Variants in CTNNA3 observed in about 807,000 individuals in gnomAD.
CTNNA3 encodes catenin alpha-3.
In CTNNA3, 76 loss-of-function variants were observed where a neutral mutation model predicts 95.7. The observed-to-expected ratio is 0.79, with a 90% CI of 0.66 to 0.96. The LOEUF (loss-of-function observed/expected upper bound fraction) is 0.96. CTNNA3 is among the 40% of genes least tolerant of loss of function. The pLI is 0.00. For synonymous variants in CTNNA3, 431 were observed against 374.4 expected (o/e 1.15, Z -1.74); for missense variants, 1,191 against 1,089.8 (o/e 1.09, Z -1.31).
At chr10:67,256,167 C>G (rs936110407) in intron 5 of CTNNA3, among the ~76,000 whole-genome samples, 5 of 152,084 alleles carry the variant, frequency 3.3e-5, no homozygotes, top group Non-Finnish European at 5.9e-5. Flanking sequence ...ATTAGCTAAA[C>G]CATTAGGAAA....
At chr10:66,266,643 C>T (rs768593966) in intron 13 of CTNNA3, among the ~76,000 whole-genome samples, 9 of 151,996 alleles carry the variant, frequency 5.9e-5, no homozygotes, top group Admixed American at 2.0e-4. Context: ...CTTGGCTGCT[C>T]TAGTAGTGAA....
At chr10:67,321,183 AT>A (rs1841305049) in intron 5 of CTNNA3, among the ~76,000 whole-genome samples, 2 of 152,242 alleles carry the variant, frequency 1.3e-5, no homozygotes, top group African/African-American at 4.8e-5. Flanking sequence ...AAGAGAGAAG[AT>A]AAGCACTAAT....
intron 9 of CTNNA3, among the ~76,000 whole-genome samples, chr10:66,672,323 A>G (rs1221905126): frequency 4.6e-5 from 7 of 152,156 alleles, no homozygotes; most frequent in African/African-American, 9.7e-5. Context: ...TTTTAAAATT[A>G]TAAGATTTTC....
At chr10:66,801,965 AT>A (rs1241997660) in intron 7 of CTNNA3, among the ~76,000 whole-genome samples, 1 of 151,784 alleles carries the variant, frequency 6.6e-6, no homozygotes, top group Non-Finnish European at 1.5e-5. Context: ...GTTAATAAAT[AT>A]TTACAAAGCC....
chr10:66,196,512 A>T (rs745638672), intron 13 of CTNNA3, among the ~76,000 whole-genome samples: 28 of 152,170 alleles, frequency 1.8e-4, no homozygotes, highest in Admixed American at 3.3e-4. Flanking sequence ...AAGTAAAGGA[A>T]TGGAATTTAT....
At chr10:66,915,745 T>A (rs28599536) in intron 7 of CTNNA3, among the ~76,000 whole-genome samples, 8 of 121,588 alleles carry the variant, frequency 6.6e-5, no homozygotes, top group Non-Finnish European at 1.0e-4. Context: ...CATATATACA[T>A]ATATACATTT....
chr10:66,133,495 A>T (rs1287701831), intron 13 of CTNNA3, among the ~76,000 whole-genome samples: 1 of 151,848 alleles, frequency 6.6e-6, no homozygotes, highest in African/African-American at 2.4e-5. Flanking sequence ...CCTGGTCGAC[A>T]GAGTGAGAGT....
At chr10:66,860,077 T>G in intron 7 of CTNNA3, among the ~76,000 whole-genome samples, 1 of 142,200 alleles carries the variant, frequency 7.0e-6, no homozygotes, top group Non-Finnish European at 1.5e-5. Context: ...AATGATGAGT[T>G]AATGGGTGCA....
chr10:67,465,178 C>G (rs918520037), intron 5 of CTNNA3, among the ~76,000 whole-genome samples: 4 of 147,902 alleles, frequency 2.7e-5, no homozygotes, highest in African/African-American at 9.7e-5. Flanking sequence ...CTTTTGATAT[C>G]TGAAAAATGT....
intron 9 of CTNNA3, among the ~76,000 whole-genome samples, chr10:66,755,280 C>A (rs1457878895): frequency 6.6e-6 from 1 of 152,020 alleles, no homozygotes; most frequent in East Asian, 1.9e-4. Context: ...GAAAGTAGGG[C>A]TTGAAAGTAG....
chr10:67,222,793 A>G (rs190807827), intron 5 of CTNNA3, among the ~76,000 whole-genome samples: 1 of 152,230 alleles, frequency 6.6e-6, no homozygotes, highest in Admixed American at 6.5e-5. Flanking sequence ...AGTGACCTAT[A>G]CATTATGCTT....
intron 5 of CTNNA3, among the ~76,000 whole-genome samples, chr10:67,472,805 C>T (rs1251395254): frequency 6.6e-6 from 1 of 152,178 alleles, no homozygotes; most frequent in Non-Finnish European, 1.5e-5. Flanking sequence ...TGAATTCTTT[C>T]CTGCACAAAG....
intron 13 of CTNNA3, among the ~76,000 whole-genome samples, chr10:66,173,001 T>G (rs2085510419): frequency 6.6e-6 from 1 of 152,080 alleles, no homozygotes; most frequent in African/African-American, 2.4e-5. Flanking sequence ...ACTGACCCAG[T>G]GGAGCCTGAG....
At chr10:67,122,502 G>A (rs1311910165) in intron 7 of CTNNA3, among the ~76,000 whole-genome samples, 1 of 152,044 alleles carries the variant, frequency 6.6e-6, no homozygotes, top group Non-Finnish European at 1.5e-5. Flanking sequence ...TCTGCATGGG[G>A]CGGGGGAAGA....
intron 1 of CTNNA3, among the ~76,000 whole-genome samples, chr10:67,743,910 A>G (rs1841358565): frequency 6.6e-6 from 1 of 151,190 alleles, no homozygotes; most frequent in African/African-American, 2.4e-5. Flanking sequence ...CAATTGCTTC[A>G]AAGAGAATAA....
chr10:66,676,102 C>T (rs1846843506), intron 9 of CTNNA3, among the ~76,000 whole-genome samples: 1 of 140,066 alleles, frequency 7.1e-6, no homozygotes, highest in Admixed American at 8.2e-5. Context: ...GAGTTAAAAC[C>T]TTTAAAACAC....
In CTNNA3 at chr10:66,527,659, G is replaced by A. The variant is rs150556225; in HGVS notation, c.1375-6886C>T. ...CAGGTAAAAGTCTTTCACCTCTTTC[G>A]TTAAGCTTATTCCTAGGCATTTCAT... On this transcript the variant is annotated intron_variant, in intron 10 of 17. Coordinates refer to ENST00000433211, the MANE Select transcript of CTNNA3 (RefSeq NM_013266.4). Among the ~76,000 whole-genome samples the A allele has an allele frequency of 1.5e-3, 235 of 152,016 alleles. 6 individuals carry two copies. The East Asian group carries it at 0.033, about 21-fold the overall frequency.
chr10:67,346,542 A>T (rs1842420657), intron 5 of CTNNA3, among the ~76,000 whole-genome samples: 1 of 152,126 alleles, frequency 6.6e-6, no homozygotes, highest in African/African-American at 2.4e-5. Context: ...AAGTGCTTTA[A>T]ATTAAATTAA....
chr10:67,742,006 G>A (rs1482307889), intron 1 of CTNNA3, among the ~76,000 whole-genome samples: 3 of 151,262 alleles, frequency 2.0e-5, no homozygotes, highest in Non-Finnish European at 4.4e-5. Context: ...GATTCATAAA[G>A]CAAGTCCTTA....
Sources: gnomAD v4.1 joint callset for allele counts (sites outside exome capture counted in the v4.1 genomes callset) on GRCh38, gnomAD v4.1.1 for gene constraint, MANE v1.5 for transcripts, NCBI Gene and HGNC (gene_info 2026-07-23, HGNC 2026-07-21) for gene names.